CUBN: variants seen among roughly 807,000 people sequenced by gnomAD.
CUBN encodes cubilin, also known as 460 kDa receptor.
CUBN carries 282 observed loss-of-function variants against 405.3 expected under a neutral mutation model. The observed-to-expected ratio is 0.70, with a 90% CI of 0.63 to 0.77. The LOEUF (loss-of-function observed/expected upper bound fraction) is 0.77. Ranked by LOEUF, CUBN falls within the 30% of genes least tolerant of loss-of-function variation. CUBN has a pLI of 0.00. For synonymous variants in CUBN, 1,684 were observed against 1,617.0 expected (o/e 1.04, Z -0.99); for missense variants, 4,514 against 4,475.2 (o/e 1.01, Z -0.25).
chr10:17,129,357 T>C (rs1837268848), intron 1 of CUBN, 107 bp from the exon 2 acceptor site: 1 of 1,310,084 alleles, frequency 7.6e-7, no homozygotes, highest in Non-Finnish European at 1.1e-6. Context: ...ACATCTTCAC[T>C]TTTTGATCAT....
At chr10:17,004,921 G>C (rs931819428) in intron 28 of CUBN, among the ~76,000 whole-genome samples, 1 of 152,044 alleles carries the variant, frequency 6.6e-6, no homozygotes, top group Admixed American at 6.6e-5. Flanking sequence ...GCCTCCCGAA[G>C]TGCTGGGATT....
At chr10:17,004,689 T>TTTA (rs36012983) in intron 28 of CUBN, among the ~76,000 whole-genome samples, 1 of 151,402 alleles carries the variant, frequency 6.6e-6, no homozygotes, top group Non-Finnish European at 1.5e-5. Context: ...TTTTTTTTTT[T>TTTA]AGCAGAATCT....
chr10:17,088,094 C>G (rs1483754452), intron 15 of CUBN, 70 bp downstream of exon 15: 1 of 1,262,336 alleles, frequency 7.9e-7, no homozygotes, highest in African/African-American at 1.5e-5. Context: ...CATCCATGGG[C>G]ATGGCTAGAC....
intron 6 of CUBN, chr10:17,121,925 A>C (rs1837051867): frequency 1.3e-5 from 2 of 152,214 alleles, no homozygotes; most frequent in African/African-American, 4.8e-5. Flanking sequence ...TCTTTTAAAA[A>C]TCACAAAATA....
At chr10:17,124,988 C>T (rs746352768) in intron 4 of CUBN, among the ~76,000 whole-genome samples, 12 of 152,064 alleles carry the variant, frequency 7.9e-5, no homozygotes, top group East Asian at 1.9e-4. Flanking sequence ...TGTCCCACTA[C>T]GCCTGGCTAA....
intron 15 of CUBN, among the ~76,000 whole-genome samples, chr10:17,086,280 T>C (rs1836108171): frequency 6.6e-6 from 1 of 152,186 alleles, no homozygotes; most frequent in African/African-American, 2.4e-5. Flanking sequence ...TGGATTTCAA[T>C]TCCAAGGCTG....
rs76789390 is a variant in CUBN, at chr10:16,939,016, T to C, written c.5680A>G (p.Ile1894Val). 1,069 of 1,613,944 alleles carry C rather than the reference T, an allele frequency of 6.6e-4. 9 individuals are homozygous for C. In the African/African-American group the frequency reaches 8.0e-3, roughly 12 times the overall value. The change falls in exon 38 of 67, where the codon ATC (isoleucine) becomes GTC (valine). Residue 1894 changes from isoleucine (I) to valine (V), a missense_variant. Physicochemically the swap from Ile to Val is conservative, Grantham distance 29. Transcript: ENST00000377833. ...VNASHVVHGRILEMDIEEIQN... is the reference protein window; with the variant it reads ...VNASHVVHGRVLEMDIEEIQN... ...ATTTCTTCTATGTCCATCTCCAAGA[T>C]TCTACCATGGACAACGTGAGATGCA...
chr10:17,055,786 T>C (rs1588614986), intron 22 of CUBN, among the ~76,000 whole-genome samples: 1 of 152,060 alleles, frequency 6.6e-6, no homozygotes, highest in African/African-American at 2.4e-5. Context: ...TCTGAATAAA[T>C]GGAGAGGTAA....
At chr10:16,964,816 A>T (rs185658680) in intron 31 of CUBN, among the ~76,000 whole-genome samples, 111 of 152,274 alleles carry the variant, frequency 7.3e-4, no homozygotes, top group Non-Finnish European at 1.4e-3. Flanking sequence ...CTGTTTTAAG[A>T]TCTCCAAAGC....
At chr10:17,115,968 A>G (rs45457691) in intron 6 of CUBN, among the ~76,000 whole-genome samples, 1,940 of 152,334 alleles carry the variant, frequency 0.013, 12 homozygotes, top group Non-Finnish European at 0.019. Context: ...CATCTGTCCA[A>G]TTGGACCTGC....
At chr10:16,902,314 T>C (rs923165640) in intron 51 of CUBN, among the ~76,000 whole-genome samples, 13 of 143,162 alleles carry the variant, frequency 9.1e-5, no homozygotes, top group African/African-American at 2.3e-4. Flanking sequence ...ATATAGTATA[T>C]ATATTTGTAT....
chr10:17,016,497 T>C (rs147301102), intron 28 of CUBN, among the ~76,000 whole-genome samples: 88 of 152,228 alleles, frequency 5.8e-4, no homozygotes, highest in East Asian at 4.3e-3. Flanking sequence ...AATAGCAAGA[T>C]ATCTCTTCAA....
At chr10:16,842,012 A>C (rs1031642132) in intron 60 of CUBN, among the ~76,000 whole-genome samples, 11 of 149,714 alleles carry the variant, frequency 7.3e-5, no homozygotes, top group African/African-American at 2.7e-4. Context: ...TTTTCTCCAC[A>C]GCAACTGTTA....
intron 41 of CUBN, among the ~76,000 whole-genome samples, chr10:16,927,486 TA>T (rs1842225854): frequency 1.3e-5 from 2 of 152,304 alleles, no homozygotes; most frequent in Middle Eastern, 3.4e-3. Context: ...ATGGAGGAAA[TA>T]TTAGATTAAT....
chr10:17,102,997 C>T, intron 13 of CUBN, 128 bp downstream of exon 13: 2 of 704,230 alleles, frequency 2.8e-6, no homozygotes, highest in African/African-American at 1.8e-5. Flanking sequence ...GCACTCCGTA[C>T]TTAGTAAGCA....
intron 19 of CUBN, among the ~76,000 whole-genome samples, chr10:17,070,669 T>C (rs879555102): frequency 6.6e-6 from 1 of 152,208 alleles, no homozygotes; most frequent in Non-Finnish European, 1.5e-5. Context: ...AAATTGTTCA[T>C]TGCTGGTGTA....
At chr10:17,042,186 G>T (rs1330360723) in intron 26 of CUBN, among the ~76,000 whole-genome samples, 2 of 152,152 alleles carry the variant, frequency 1.3e-5, no homozygotes, top group African/African-American at 2.4e-5. Flanking sequence ...GGAGCAGGGA[G>T]AATACTTAAA....
At chr10:16,975,921 G>T (rs4586046) in intron 31 of CUBN, among the ~76,000 whole-genome samples, 1 of 150,474 alleles carries the variant, frequency 6.6e-6, no homozygotes, top group Non-Finnish European at 1.5e-5. Context: ...GAGCCACCAC[G>T]CCAGGCCAAG....
intron 16 of CUBN, 26 bp from the exon 17 acceptor site, chr10:17,084,487 G>C (rs371880335): frequency 6.2e-7 from 1 of 1,604,890 alleles, no homozygotes; most frequent in East Asian, 2.2e-5. Flanking sequence ...AGACGAACAG[G>C]TCATGGCAAT....
Sources: gnomAD v4.1 joint callset for allele counts (sites outside exome capture counted in the v4.1 genomes callset) on GRCh38, gnomAD v4.1.1 for gene constraint, MANE v1.5 for transcripts, NCBI Gene and HGNC (gene_info 2026-07-23, HGNC 2026-07-21) for gene names.